The following RBFOX1 variants were observed in gnomAD, a reference collection of about 807,000 sequenced individuals.
The protein encoded by RBFOX1 is RNA binding fox-1 homolog 1, also known as RNA binding protein fox-1 homolog 1.
A neutral mutation model predicts 57.7 loss-of-function variants in RBFOX1; 8 were observed. The ratio of observed to expected loss-of-function variants is 0.14; its 90% CI spans 0.08 to 0.25. The LOEUF is 0.25. Ranked by LOEUF, RBFOX1 falls within the 10% of genes least tolerant of loss-of-function variation. RBFOX1 has a pLI of 1.00. For synonymous variants in RBFOX1, 326 were observed against 222.4 expected, an observed-to-expected ratio of 1.47 and a Z score of -4.15; for missense variants, 611 against 548.5, an observed-to-expected ratio of 1.11 and a Z score of -1.14.
At chr16:7,546,026 A>AG (rs1555576493) in intron 5 of RBFOX1, among the ~76,000 whole-genome samples, 23 of 148,264 alleles carry the variant, frequency 1.6e-4, no homozygotes, top group South Asian at 2.2e-4. Context: ...AAAAAAAAAA[A>AG]AAAAGAAAAA....
At chr16:6,996,277 A>G (rs1267400614) in intron 3 of RBFOX1, among the ~76,000 whole-genome samples, 1 of 152,212 alleles carries the variant, frequency 6.6e-6, no homozygotes, top group Non-Finnish European at 1.5e-5. Context: ...GATATTGAGT[A>G]TCTCTACTTT....
intron 5 of RBFOX1, among the ~76,000 whole-genome samples, chr16:7,533,060 G>A (rs956584059): frequency 6.6e-6 from 1 of 152,212 alleles, no homozygotes; most frequent in African/African-American, 2.4e-5. Context: ...TGTTGGGGAT[G>A]TGTCATCCGT....
chr16:5,327,092 C>G (rs552157166), intron 1 of RBFOX1, among the ~76,000 whole-genome samples: 2 of 152,096 alleles, frequency 1.3e-5, no homozygotes, highest in Non-Finnish European at 2.9e-5. Flanking sequence ...TAGTTCTGAC[C>G]GAGGAGCTGA....
chr16:7,474,937 G>C (rs943246281), intron 4 of RBFOX1, among the ~76,000 whole-genome samples: 1 of 152,120 alleles, frequency 6.6e-6, no homozygotes, highest in Non-Finnish European at 1.5e-5. Flanking sequence ...GCCTGTGTTG[G>C]TCAAAGCACC....
intron 3 of RBFOX1, among the ~76,000 whole-genome samples, chr16:6,905,122 T>C (rs2069506233): frequency 6.6e-6 from 1 of 152,164 alleles, no homozygotes; most frequent in African/African-American, 2.4e-5. Flanking sequence ...AAAAAGACTG[T>C]TTTGCAGCAT....
intron 1 of RBFOX1, among the ~76,000 whole-genome samples, chr16:5,273,076 TAGAGAA>T (rs1398175419): frequency 2.0e-5 from 3 of 152,266 alleles, no homozygotes; most frequent in Non-Finnish European, 4.4e-5. Flanking sequence ...GCTGCCCACT[TAGAGAA>T]AGAGAAACTC....
chr16:7,450,343 G>A lies in RBFOX1; in HGVS notation c.28-67804G>A, dbSNP rs1000109109. On this transcript the variant is annotated intron_variant, in intron 4 of 15. Coordinates refer to ENST00000550418, the MANE Select transcript of RBFOX1 (RefSeq NM_018723.4). ...AGGGAGTCGGAGGTTGCAGTGAGCCGCAATCGCGCCATTGCACTCCAGCCT... is the reference window on the plus strand; with the variant it reads ...AGGGAGTCGGAGGTTGCAGTGAGCCACAATCGCGCCATTGCACTCCAGCCT... Among the ~76,000 whole-genome samples the A allele has an allele frequency of 7.3e-5, 9 of 122,620 alleles. No homozygotes were observed. The East Asian group carries it at 1.1e-3, about 15-fold the overall frequency. The allele number at this position is 122,620 out of a possible 152,430, so 80.4% of individuals were successfully genotyped here.
At chr16:7,279,329 G>C (rs1268785001) in intron 4 of RBFOX1, among the ~76,000 whole-genome samples, 1 of 152,074 alleles carries the variant, frequency 6.6e-6, no homozygotes, top group African/African-American at 2.4e-5. Flanking sequence ...GAAATGTCTT[G>C]TTTTCAGTTA....
chr16:6,042,311 G>A (rs2095445928), intron 1 of RBFOX1, among the ~76,000 whole-genome samples: 1 of 151,998 alleles, frequency 6.6e-6, no homozygotes, highest in Admixed American at 6.6e-5. Context: ...GTGTTGGCCA[G>A]GATGGTCTCG....
chr16:6,771,132 T>TACC (rs1380842034), intron 3 of RBFOX1, among the ~76,000 whole-genome samples: 1 of 151,956 alleles, frequency 6.6e-6, no homozygotes, highest in African/African-American at 2.4e-5. Flanking sequence ...ACAGAGAGAA[T>TACC]ACCATATAAA....
At chr16:7,458,566 C>T (rs774154169) in intron 4 of RBFOX1, among the ~76,000 whole-genome samples, 1 of 152,218 alleles carries the variant, frequency 6.6e-6, no homozygotes, top group Non-Finnish European at 1.5e-5. Flanking sequence ...TGACCTACTT[C>T]CCTAGCATTC....
At chr16:7,373,757 T>C (rs370935610) in intron 4 of RBFOX1, among the ~76,000 whole-genome samples, 23 of 152,188 alleles carry the variant, frequency 1.5e-4, no homozygotes, top group African/African-American at 4.6e-4. Context: ...TGCGCTGATA[T>C]TGAGGAAGCC....
intron 4 of RBFOX1, among the ~76,000 whole-genome samples, chr16:5,876,243 C>G (rs929933600): frequency 6.6e-6 from 1 of 152,178 alleles, no homozygotes; most frequent in East Asian, 1.9e-4. Flanking sequence ...TCTGTGCCAG[C>G]CAGGCCACTC....
intron 4 of RBFOX1, among the ~76,000 whole-genome samples, chr16:7,337,030 C>A (rs1370655386): frequency 6.6e-6 from 1 of 152,102 alleles, no homozygotes; most frequent in African/African-American, 2.4e-5. Flanking sequence ...TGAAAAAGCC[C>A]CCAAAATCTG....
intron 2 of RBFOX1, among the ~76,000 whole-genome samples, chr16:5,544,951 CTTTTTTT>C (rs59873374): frequency 6.4e-5 from 8 of 124,378 alleles, no homozygotes; most frequent in African/African-American, 6.9e-5. Context: ...CTATTACATT[CTTTTTTT>C]TTTTTTTTTT....
chr16:7,372,489 T>G (rs2097585729), intron 4 of RBFOX1, among the ~76,000 whole-genome samples: 1 of 152,178 alleles, frequency 6.6e-6, no homozygotes, highest in Admixed American at 6.5e-5. Flanking sequence ...CCTGTGGCCA[T>G]GTACAGAAAG....
At position 6,201,679 on chromosome 16, in the gene RBFOX1, T is replaced by C. The variant is rs2097216491; in HGVS notation, c.-126-115316T>C. ...AACTAAAAGAGTGGAATTAGAATGT[T>C]CCTAACACAAAGAAATGGTAAACGC... is the stretch of plus-strand genomic sequence containing the variant. On this transcript the variant is annotated intron_variant, in intron 1 of 15. Transcript: ENST00000550418. Among the ~76,000 whole-genome samples the C allele has an allele frequency of 2.0e-5, 3 of 152,194 alleles. No individual in the cohort carries two copies. In the South Asian group the frequency reaches 6.2e-4, roughly 32 times the overall value.
intron 1 of RBFOX1, among the ~76,000 whole-genome samples, chr16:6,096,816 T>C (rs995267259): frequency 3.9e-5 from 6 of 152,180 alleles, no homozygotes; most frequent in African/African-American, 1.4e-4. Context: ...ACCCAACTGC[T>C]CAAACTGTCA....
At chr16:7,248,707 CATGTTAT>C (rs1427523509) in intron 4 of RBFOX1, among the ~76,000 whole-genome samples, 1 of 152,104 alleles carries the variant, frequency 6.6e-6, no homozygotes, top group Non-Finnish European at 1.5e-5. Flanking sequence ...ATTAGAGTTG[CATGTTAT>C]TCATCATCCA....
Sources: gnomAD v4.1 joint callset for allele counts (sites outside exome capture counted in the v4.1 genomes callset) on GRCh38, gnomAD v4.1.1 for gene constraint, MANE v1.5 for transcripts, NCBI Gene and HGNC (gene_info 2026-07-23, HGNC 2026-07-21) for gene names.